SPON1: variants seen among roughly 807,000 people sequenced by gnomAD.
SPON1 encodes spondin 1, also known as spondin-1.
A neutral mutation model predicts 111.7 loss-of-function variants in SPON1; 52 were observed. That is an observed-to-expected ratio of 0.47 (90% CI 0.37 to 0.59). The LOEUF (loss-of-function observed/expected upper bound fraction) is 0.59, where lower values mean the gene tolerates loss of function less well. SPON1 is among the 20% of genes least tolerant of loss of function. The pLI is 0.00. For synonymous variants in SPON1, 410 were observed against 395.8 expected (o/e 1.04, Z -0.43); for missense variants, 957 against 1,068.5 (o/e 0.90, Z 1.46).
intron 3 of SPON1, among the ~76,000 whole-genome samples, chr11:14,052,874 G>A (rs530209609): frequency 1.2e-4 from 19 of 152,280 alleles, no homozygotes; most frequent in African/African-American, 4.6e-4. Context: ...CAGAGCTCTA[G>A]GCACAGCAGT....
At chr11:13,993,912 A>G (rs1325638799) in intron 2 of SPON1, among the ~76,000 whole-genome samples, 1 of 152,222 alleles carries the variant, frequency 6.6e-6, no homozygotes, top group Non-Finnish European at 1.5e-5. Flanking sequence ...TCAGGCATCA[A>G]CTAGTTTAGG....
At chr11:13,976,590 C>G (rs532670164) in intron 1 of SPON1, among the ~76,000 whole-genome samples, 78 of 152,272 alleles carry the variant, frequency 5.1e-4, no homozygotes, top group African/African-American at 1.8e-3. Context: ...TACAGGAATG[C>G]AGTATTATGG....
At chr11:14,082,279 T>C (rs1171714793) in intron 5 of SPON1, among the ~76,000 whole-genome samples, 1 of 152,198 alleles carries the variant, frequency 6.6e-6, no homozygotes, top group African/African-American at 2.4e-5. Flanking sequence ...TTAGTAAATA[T>C]AGCAGACGTG....
chr11:14,085,934 A>C (rs1554922550), intron 5 of SPON1, among the ~76,000 whole-genome samples: 1 of 152,138 alleles, frequency 6.6e-6, no homozygotes, highest in Non-Finnish European at 1.5e-5. Context: ...TTCACTCATG[A>C]TTTGGCTCTC....
chr11:14,066,993 C>T (rs1272148212), intron 3 of SPON1, among the ~76,000 whole-genome samples: 1 of 152,024 alleles, frequency 6.6e-6, no homozygotes, highest in Non-Finnish European at 1.5e-5. Context: ...GACAGCATAG[C>T]AAGACCCCAT....
intron 6 of SPON1, among the ~76,000 whole-genome samples, chr11:14,239,388 A>G (rs980237398): frequency 6.6e-6 from 1 of 152,158 alleles, no homozygotes; most frequent in African/African-American, 2.4e-5. Flanking sequence ...TTTTTACCCT[A>G]TTTCACAGAT....
chr11:14,163,431 G>A (rs1847990639), intron 6 of SPON1, among the ~76,000 whole-genome samples: 1 of 152,080 alleles, frequency 6.6e-6, no homozygotes, highest in Non-Finnish European at 1.5e-5. Flanking sequence ...GTCAGGCTGG[G>A]GCCAGCTCCC....
rs112315898 is a variant in SPON1, at chr11:14,128,862, G to A, written c.677-6558G>A. On this transcript the variant is annotated intron_variant, in intron 5 of 15. Transcript: ENST00000576479. ...TGTACCCACAGACCCCCAACACCAC[G>A]TAGAAGCAGCCAAGGCTTGGGGCTT... 3.7e-3 allele frequency among the ~76,000 whole-genome samples: 557 copies of A among 152,328 alleles called. 4 individuals are homozygous for A. The highest frequency in any genetic ancestry group is 0.013 in the African/African-American group (532 of 41,580).
intron 2 of SPON1, among the ~76,000 whole-genome samples, chr11:14,000,214 C>T (rs891613951): frequency 6.6e-5 from 10 of 152,110 alleles, no homozygotes; most frequent in African/African-American, 2.2e-4. Flanking sequence ...ACTCTATTTC[C>T]TCATCCCTCT....
intron 1 of SPON1, among the ~76,000 whole-genome samples, chr11:13,968,830 T>C (rs1299679901): frequency 7.2e-5 from 11 of 152,108 alleles, no homozygotes; most frequent in Admixed American, 7.2e-4. Context: ...AAAAATTCAG[T>C]CATGTGGTCA....
At chr11:14,114,887 T>C (rs1296033931) in intron 5 of SPON1, among the ~76,000 whole-genome samples, 1 of 152,142 alleles carries the variant, frequency 6.6e-6, no homozygotes, top group Non-Finnish European at 1.5e-5. Flanking sequence ...AGCACAAACG[T>C]GACAGTGAAT....
chr11:14,034,003 T>C (rs1260907455), intron 2 of SPON1, among the ~76,000 whole-genome samples: 1 of 151,560 alleles, frequency 6.6e-6, no homozygotes, highest in Non-Finnish European at 1.5e-5. Flanking sequence ...CATTGGAATG[T>C]TGTAATTAGG....
chr11:14,075,253 C>A, intron 3 of SPON1, 92 bp from the exon 4 acceptor site: 1 of 968,160 alleles, frequency 1.0e-6, no homozygotes, highest in Non-Finnish European at 1.6e-6. Flanking sequence ...CACTCAAAGC[C>A]ACAAAGCCAA....
intron 5 of SPON1, among the ~76,000 whole-genome samples, chr11:14,110,780 G>C (rs1554925388): frequency 6.6e-6 from 1 of 152,166 alleles, no homozygotes; most frequent in Non-Finnish European, 1.5e-5. Context: ...TGGCTCAAAT[G>C]TCAGTTTCCT....
intron 7 of SPON1, among the ~76,000 whole-genome samples, chr11:14,246,895 A>G (rs1191087733): frequency 2.0e-5 from 3 of 152,234 alleles, no homozygotes; most frequent in African/African-American, 4.8e-5. Flanking sequence ...AGGAAGCAGT[A>G]GGAGTTAACT....
chr11:14,187,782 CT>C (rs35855997), intron 6 of SPON1, among the ~76,000 whole-genome samples: 12 of 146,506 alleles, frequency 8.2e-5, no homozygotes, highest in Admixed American at 1.4e-4. Flanking sequence ...GCCCAGCTAA[CT>C]TTTTTTTTTG....
chr11:13,997,311 A>G (rs527469423), intron 2 of SPON1, among the ~76,000 whole-genome samples: 1 of 152,226 alleles, frequency 6.6e-6, no homozygotes, highest in African/African-American at 2.4e-5. Context: ...TACAGCGAGT[A>G]TGTGGAAAGA....
At chr11:13,993,235 T>G (rs1157504392) in intron 2 of SPON1, among the ~76,000 whole-genome samples, 1 of 151,890 alleles carries the variant, frequency 6.6e-6, no homozygotes, top group Non-Finnish European at 1.5e-5. Flanking sequence ...AAGTAAGAAT[T>G]ACAGCTCTCA....
chr11:14,249,543 A>C (rs782403851), intron 7 of SPON1, among the ~76,000 whole-genome samples: 8 of 152,216 alleles, frequency 5.3e-5, no homozygotes, highest in Non-Finnish European at 7.3e-5. Flanking sequence ...CTCGTGGCCA[A>C]ATTGAGTTTT....
Sources: gnomAD v4.1 joint callset for allele counts (sites outside exome capture counted in the v4.1 genomes callset) on GRCh38, gnomAD v4.1.1 for gene constraint, MANE v1.5 for transcripts, NCBI Gene and HGNC (gene_info 2026-07-23, HGNC 2026-07-21) for gene names.